Variants in MPDZ observed in about 807,000 individuals in gnomAD.
MPDZ encodes multiple PDZ domain protein.
A neutral mutation model predicts 239.1 loss-of-function variants in MPDZ; 234 were observed. The observed-to-expected ratio is 0.98, with a 90% CI of 0.88 to 1.09. The LOEUF (loss-of-function observed/expected upper bound fraction) is 1.09, where lower values mean the gene tolerates loss of function less well. MPDZ is among the 50% of genes least tolerant of loss of function. The probability of loss-of-function intolerance (pLI) is 0.00; values close to 1 mark genes in which losing one functional copy is unlikely to be tolerated. For missense variants in MPDZ, 3,175 were observed against 2,510.0 expected (o/e 1.26, Z -5.66); for synonymous variants, 1,048 against 881.3 (o/e 1.19, Z -3.35).
intron 22 of MPDZ, among the ~76,000 whole-genome samples, chr9:13,165,128 T>C (rs1215429724): frequency 1.3e-5 from 2 of 152,136 alleles, no homozygotes; most frequent in African/African-American, 4.8e-5. Flanking sequence ...AGCTTCATAA[T>C]TGGAAAATAT....
chr9:13,189,056 C>A, intron 16 of MPDZ, 63 bp from the exon 17 acceptor site: 4 of 1,445,960 alleles, frequency 2.8e-6, no homozygotes, highest in Non-Finnish European at 3.8e-6. Context: ...TACAGGTCGT[C>A]CACTCTAAAT....
intron 13 of MPDZ, among the ~76,000 whole-genome samples, chr9:13,193,650 A>G (rs1296618141): frequency 1.3e-5 from 2 of 152,222 alleles, no homozygotes; most frequent in African/African-American, 4.8e-5. Context: ...CTGCACAGCT[A>G]GAAAAGGGTT....
intron 40 of MPDZ, among the ~76,000 whole-genome samples, 199 bp downstream of exon 40, chr9:13,115,049 T>C (rs1005419126): frequency 1.3e-5 from 2 of 152,196 alleles, no homozygotes; most frequent in African/African-American, 4.8e-5. Context: ...TAGAATGACT[T>C]ACAAACTACT....
chr9:13,147,737 A>C, intron 25 of MPDZ, 79 bp from the exon 26 acceptor site: 2 of 1,037,864 alleles, frequency 1.9e-6, no homozygotes, highest in Non-Finnish European at 1.5e-6. Flanking sequence ...AGTTTTAGGG[A>C]TACTTGGTTA....
At chr9:13,230,985 AAAGG>A (rs2136733462) in intron 3 of MPDZ, among the ~76,000 whole-genome samples, 1 of 152,242 alleles carries the variant, frequency 6.6e-6, no homozygotes, top group African/African-American at 2.4e-5. Flanking sequence ...CCAAATCAGA[AAAGG>A]AAGAAAATAA....
At position 13,150,374 on chromosome 9, in the gene MPDZ, C is replaced by T. The variant is rs374938520; in HGVS notation, c.3630+137G>A. 40 of 476,252 alleles carry T rather than the reference C, an allele frequency of 8.4e-5. No homozygotes were observed. In the East Asian group the frequency reaches 1.2e-3, roughly 14 times the overall value. The allele number at this position is 476,252 out of a possible 1,614,324, so 29.5% of individuals were successfully genotyped here. The stretch of plus-strand genomic sequence containing the variant: ...ACTAGTATGAAGATGACAATTCCCT[C>T]GGTACAAAGGGTGGAGCAGGTGAAA... On this transcript the variant is annotated intron_variant, in intron 25 of 46. Coordinates refer to ENST00000319217, the MANE Select transcript of MPDZ (RefSeq NM_001378778.1).
chr9:13,188,695 C>A, intron 17 of MPDZ, 89 bp downstream of exon 17: 1 of 1,076,792 alleles, frequency 9.3e-7, no homozygotes, highest in Non-Finnish European at 1.3e-6. Flanking sequence ...AGTCACGATT[C>A]AATCATGAGA....
At chr9:13,127,677 A>C (rs2131865792) in intron 32 of MPDZ, among the ~76,000 whole-genome samples, 1 of 152,298 alleles carries the variant, frequency 6.6e-6, no homozygotes, top group Middle Eastern at 3.4e-3. Flanking sequence ...CATTTTAAAG[A>C]TTATCAACAT....
rs112045970 is a variant in MPDZ at position 13,235,663 on chromosome 9, T to C, written c.184-11080A>G. The stretch of plus-strand genomic sequence containing the variant: ...TGCTGATAAATTTAAAAGATAAGGG[T>C]ATTCAATTTAGAAAATAAGTCCTTA... On this transcript the variant is annotated intron_variant, in intron 3 of 46. Transcript: ENST00000319217. Among the ~76,000 whole-genome samples, 1,200 of 152,280 alleles carry C rather than the reference T, an allele frequency of 7.9e-3. 13 individuals carry two copies. The highest frequency in any genetic ancestry group is 0.013 in the Non-Finnish European group (863 of 68,004).
At chr9:13,216,469 T>A (rs1308648441) in intron 10 of MPDZ, among the ~76,000 whole-genome samples, 1 of 151,384 alleles carries the variant, frequency 6.6e-6, no homozygotes, top group Non-Finnish European at 1.5e-5. Context: ...CTCTGGAGTA[T>A]CTGCAAGGAA....
intron 27 of MPDZ, 70 bp downstream of exon 27, chr9:13,143,396 A>G: frequency 8.6e-7 from 1 of 1,168,450 alleles, no homozygotes; most frequent in Non-Finnish European, 1.3e-6. Flanking sequence ...TGGGACAAAG[A>G]CACAGTAGTA....
chr9:13,136,244 C>G (rs766632858), intron 30 of MPDZ, 62 bp from the exon 31 acceptor site: 2 of 1,136,560 alleles, frequency 1.8e-6, no homozygotes, highest in Non-Finnish European at 2.5e-6. Context: ...TCTCTTACTT[C>G]AAGAGTCAGA....
At chr9:13,260,411 G>T (rs917134960) in intron 1 of MPDZ, among the ~76,000 whole-genome samples, 9 of 152,142 alleles carry the variant, frequency 5.9e-5, no homozygotes, top group African/African-American at 2.2e-4. Context: ...TCCGGGCTTT[G>T]GTTACTGATG....
intron 3 of MPDZ, among the ~76,000 whole-genome samples, chr9:13,227,302 T>G (rs1309477356): frequency 2.0e-5 from 3 of 152,132 alleles, no homozygotes; most frequent in Admixed American, 6.6e-5. Flanking sequence ...TCCTTTTAAA[T>G]GTTTATTTTA....
At chr9:13,229,256 C>T (rs948634978) in intron 3 of MPDZ, among the ~76,000 whole-genome samples, 8 of 152,030 alleles carry the variant, frequency 5.3e-5, no homozygotes, top group African/African-American at 1.9e-4. Context: ...CTGCCATACT[C>T]TGTTGATGCA....
chr9:13,124,978 G>A (rs562812212), intron 35 of MPDZ, among the ~76,000 whole-genome samples: 1 of 152,136 alleles, frequency 6.6e-6, no homozygotes, highest in South Asian at 2.1e-4. Context: ...GCTTTGAGTG[G>A]GTAGGTTTCC....
At position 13,264,607 on chromosome 9, in the gene MPDZ, C is replaced by T. The variant is rs115528633; in HGVS notation, c.-57-14235G>A. ...AAATGTTTAAACCAATCGTTTATAG[C>T]CCATTGCATTATATTTATTTCCTTC... is the stretch of plus-strand genomic sequence containing the variant. On this transcript the variant is annotated intron_variant, in intron 1 of 46. Transcript: ENST00000319217. Among the ~76,000 whole-genome samples, 1,415 of 151,570 alleles carry T rather than the reference C, an allele frequency of 9.3e-3. 25 individuals are homozygous for T. The highest frequency in any genetic ancestry group is 0.032 in the African/African-American group (1,308 of 41,278).
chr9:13,126,488 TA>T (rs1945137899), intron 34 of MPDZ, 27 bp downstream of exon 34: 2 of 1,489,236 alleles, frequency 1.3e-6, no homozygotes, highest in East Asian at 4.9e-5. Context: ...GGGCCTACAT[TA>T]CCATTTACTT....
chr9:13,213,067 T>C (rs1957832878), intron 10 of MPDZ, among the ~76,000 whole-genome samples: 1 of 152,112 alleles, frequency 6.6e-6, no homozygotes, highest in Admixed American at 6.6e-5. Flanking sequence ...ATAATTTTTA[T>C]CAATCATAAT....
Sources: gnomAD v4.1 joint callset for allele counts (sites outside exome capture counted in the v4.1 genomes callset) on GRCh38, gnomAD v4.1.1 for gene constraint, MANE v1.5 for transcripts, NCBI Gene and HGNC (gene_info 2026-07-23, HGNC 2026-07-21) for gene names.